ARPC2: variants seen among roughly 807,000 people sequenced by gnomAD.
The protein encoded by ARPC2 is actin-related protein 2/3 complex subunit 2.
In ARPC2, 4 loss-of-function variants were observed where a neutral mutation model predicts 38.6. The ratio of observed to expected loss-of-function variants is 0.10; its 90% CI spans 0.05 to 0.24. ARPC2 has a LOEUF of 0.24. Among genes scored for constraint, ARPC2 ranks in the 10% least tolerant of loss-of-function variants. The pLI is 1.00. For missense variants in ARPC2, 229 were observed against 387.3 expected (o/e 0.59, Z 3.43); for synonymous variants, 125 against 140.8 (o/e 0.89, Z 0.79).
chr2:218,230,738 G>A (rs1303735035), intron 4 of ARPC2, among the ~76,000 whole-genome samples: 1 of 152,138 alleles, frequency 6.6e-6, no homozygotes, highest in Non-Finnish European at 1.5e-5. Context: ...CACACCTGTA[G>A]TGCCAACTGT....
At chr2:218,245,369 A>G (rs1690006873) in intron 7 of ARPC2, 51 bp from the exon 8 acceptor site, 2 of 1,611,682 alleles carry the variant, frequency 1.2e-6, no homozygotes, top group Non-Finnish European at 1.7e-6. Flanking sequence ...TTGAGTTGCC[A>G]CTCATCTTAC....
intron 5 of ARPC2, 124 bp from the exon 6 acceptor site, chr2:218,238,540 T>C (rs905194536): frequency 7.5e-6 from 5 of 668,230 alleles, no homozygotes; most frequent in Non-Finnish European, 1.2e-5. Context: ...TGAAAAAAGA[T>C]TTTTTTAGTT....
intron 3 of ARPC2, chr2:218,227,009 G>C (rs747306588): frequency 2.2e-6 from 1 of 456,660 alleles, no homozygotes; most frequent in Non-Finnish European, 4.4e-6. Flanking sequence ...AATGAACTCA[G>C]AGGAATACAA....
At chr2:218,241,307 A>G (rs1330387195) in intron 7 of ARPC2, among the ~76,000 whole-genome samples, 2 of 152,334 alleles carry the variant, frequency 1.3e-5, no homozygotes, top group African/African-American at 2.4e-5. Context: ...TATTTTGGCT[A>G]ATTAATCAGA....
At chr2:218,249,512 T>C in intron 9 of ARPC2, 48 bp downstream of exon 9, 1 of 1,407,560 alleles carries the variant, frequency 7.1e-7, no homozygotes, top group African/African-American at 1.4e-5. Flanking sequence ...GGTCTTTTCC[T>C]CCACCAGAAC....
chr2:218,249,584 C>T, intron 9 of ARPC2, 120 bp downstream of exon 9: 1 of 846,730 alleles, frequency 1.2e-6, no homozygotes, highest in Non-Finnish European at 1.8e-6. Flanking sequence ...GTAAATAATT[C>T]TAGAGGCTTC....
chr2:218,227,019 A>G (rs772699659), intron 3 of ARPC2: 66 of 456,544 alleles, frequency 1.4e-4, no homozygotes, highest in Non-Finnish European at 1.8e-4. Context: ...GAGGAATACA[A>G]CCACCCTTTC....
chr2:218,230,616 C>A (rs116111048), intron 4 of ARPC2, among the ~76,000 whole-genome samples: 1,796 of 152,198 alleles, frequency 0.012, 17 homozygotes, highest in Middle Eastern at 0.017. Flanking sequence ...TGCTTTGGAT[C>A]AGCTATAACT....
chr2:218,225,821 G>A, intron 2 of ARPC2, 99 bp from the exon 3 acceptor site: 1 of 1,095,998 alleles, frequency 9.1e-7, no homozygotes. Flanking sequence ...TATACAGAAT[G>A]GTCTGATCTT....
intron 4 of ARPC2, among the ~76,000 whole-genome samples, chr2:218,230,754 G>C (rs766329413): frequency 5.3e-5 from 8 of 151,960 alleles, no homozygotes; most frequent in Non-Finnish European, 1.0e-4. Context: ...ACTGTGTGTT[G>C]GGACTTCACA....
At chr2:218,217,361 A>AC (rs1689272379) in intron 1 of ARPC2, 102 bp from the exon 2 acceptor site, 3 of 1,067,434 alleles carry the variant, frequency 2.8e-6, no homozygotes, top group Middle Eastern at 2.3e-4. Flanking sequence ...CTAACCTCCT[A>AC]CCCCACCCAG....
rs1197420721 is a variant in ARPC2 at position 218,254,106 on chromosome 2, A to G, written c.*191A>G. On this transcript the variant is annotated 3_prime_UTR_variant, in exon 11 of 11. Coordinates refer to ENST00000315717, the MANE Select transcript of ARPC2 (RefSeq NM_152862.3). Reference sequence around the variant, plus strand: ...TGCAAAGACTTCATAGTTCCCAAGAATTAAAAAAAAAAAAAAAAGAATTCC... The same window carrying G: ...TGCAAAGACTTCATAGTTCCCAAGAGTTAAAAAAAAAAAAAAAAGAATTCC... The G allele has an allele frequency of 1.9e-6, 1 of 525,810 alleles. No individual in the cohort carries two copies. Among genetic ancestry groups the G allele is most frequent in the East Asian group, 3.2e-5 (1 of 30,850 alleles). The allele number at this position is 525,810 out of a possible 1,614,324, so 32.6% of individuals were successfully genotyped here.
intron 2 of ARPC2, among the ~76,000 whole-genome samples, chr2:218,224,680 G>A (rs1689457237): frequency 1.1e-5 from 1 of 89,032 alleles, no homozygotes; most frequent in Admixed American, 1.5e-4. Flanking sequence ...GATACCCAGT[G>A]CGCTTTTCCT....
chr2:218,238,264 T>C (rs1574586823), intron 5 of ARPC2, among the ~76,000 whole-genome samples: 1 of 152,186 alleles, frequency 6.6e-6, no homozygotes, highest in Non-Finnish European at 1.5e-5. Context: ...CAGAGAAATA[T>C]ATGTGGCTCC....
intron 2 of ARPC2, among the ~76,000 whole-genome samples, chr2:218,220,358 G>A (rs1200867104): frequency 6.6e-6 from 1 of 152,140 alleles, no homozygotes; most frequent in African/African-American, 2.4e-5. Flanking sequence ...AAAGTGGCTG[G>A]CTAAATTTAA....
chr2:218,219,507 A>G (rs1023256222), intron 2 of ARPC2, among the ~76,000 whole-genome samples: 18 of 151,906 alleles, frequency 1.2e-4, no homozygotes, highest in African/African-American at 4.4e-4. Flanking sequence ...GTGCTACCAC[A>G]CCTGGCTAAT....
intron 4 of ARPC2, 120 bp downstream of exon 4, chr2:218,228,970 AG>A (rs1689569761): frequency 4.8e-6 from 3 of 625,622 alleles, no homozygotes; most frequent in Non-Finnish European, 8.5e-6. Flanking sequence ...TCACCTAACT[AG>A]GGGCTCTTGA....
rs1689275123 is a variant in ARPC2 at position 218,217,388 on chromosome 2, G to T, written c.-8-75G>T. 1.3e-5 allele frequency: 18 copies of T among 1,411,096 alleles called. 1 individual carries two copies. In the South Asian group the frequency reaches 2.1e-4, roughly 16 times the overall value. The allele number at this position is 1,411,096 out of a possible 1,614,324, so 87.4% of individuals were successfully genotyped here. A position where few individuals can be genotyped will look rare whatever the true frequency, so the allele number is the denominator to read the frequency against. ...CCCACCCAGCCCCACTCAGGGGGCAGCAGGGCCGCTCCCTCCGTCCTTGCC... is the reference window on the plus strand; with the variant it reads ...CCCACCCAGCCCCACTCAGGGGGCATCAGGGCCGCTCCCTCCGTCCTTGCC... On this transcript the variant is annotated intron_variant, in intron 1 of 10. Coordinates refer to ENST00000315717, the MANE Select transcript of ARPC2 (RefSeq NM_152862.3).
chr2:218,222,937 C>T (rs1309167792), intron 2 of ARPC2, among the ~76,000 whole-genome samples: 1 of 152,180 alleles, frequency 6.6e-6, no homozygotes, highest in Non-Finnish European at 1.5e-5. Flanking sequence ...GCACACAGAA[C>T]ATGATTGTAT....
Sources: allele counts gnomAD v4.1 joint callset (sites outside exome capture counted in the v4.1 genomes callset), GRCh38; gene constraint gnomAD v4.1.1; transcripts MANE v1.5; gene names NCBI Gene and HGNC (gene_info 2026-07-23, HGNC 2026-07-21).